Variants in SLC44A3 observed in about 807,000 individuals in gnomAD.
SLC44A3 encodes the protein choline transporter-like protein 3.
SLC44A3 carries 74 observed loss-of-function variants against 75.4 expected under a neutral mutation model. That is an observed-to-expected ratio of 0.98 (90% confidence interval 0.81 to 1.19). The LOEUF is 1.19. Ranked by LOEUF, SLC44A3 falls within the 50% of genes most tolerant of loss-of-function variation. The pLI is 0.00. For synonymous variants in SLC44A3, 310 were observed against 296.9 expected (o/e 1.04, Z -0.45); for missense variants, 700 against 778.6 (o/e 0.90, Z 1.20).
chr1:94,857,626 G>T lies in SLC44A3; in HGVS notation c.1238+126G>T. The T allele has an allele frequency of 4.0e-6, 4 of 1,006,350 alleles. No homozygotes were observed. In the African/African-American group the frequency reaches 5.0e-5, roughly 13 times the overall value. 62.3% of individuals were successfully genotyped at this position (1,006,350 alleles called of 1,614,324 possible). On this transcript the variant is annotated intron_variant, in intron 10 of 14. Coordinates refer to ENST00000271227, the MANE Select transcript of SLC44A3 (RefSeq NM_001114106.3). ...TTAAAAGAAGTTGGCAAGAATAAAAGAGTAAGCTAAAATTTGGGCTGTATT... is the reference window on the plus strand; with the variant it reads ...TTAAAAGAAGTTGGCAAGAATAAAATAGTAAGCTAAAATTTGGGCTGTATT...
In SLC44A3 at chr1:94,837,694, T is replaced by G. The variant is rs754557785; in HGVS notation, c.510-17T>G. On this transcript the variant is annotated splice_polypyrimidine_tract_variant and intron_variant, in intron 5 of 14. Coordinates refer to ENST00000271227, the MANE Select transcript of SLC44A3 (RefSeq NM_001114106.3). ...GTTAAATAAACATTTTTGCCATCTT[T>G]TTTTCTCTATTTTTAGCAAGTCATT... 2 of 1,537,372 alleles carry G rather than the reference T, an allele frequency of 1.3e-6. No individual in the cohort carries two copies. The highest frequency in any genetic ancestry group is 1.7e-6 in the Non-Finnish European group (2 of 1,145,544).
intron 5 of SLC44A3, among the ~76,000 whole-genome samples, 193 bp downstream of exon 5, chr1:94,828,779 T>G (rs963152044): frequency 6.6e-6 from 1 of 152,178 alleles, no homozygotes; most frequent in African/African-American, 2.4e-5. Flanking sequence ...GACAGTGGAT[T>G]AGAAATCAGG....
At chr1:94,846,740 C>T (rs923941005) in intron 9 of SLC44A3, among the ~76,000 whole-genome samples, 1 of 152,258 alleles carries the variant, frequency 6.6e-6, no homozygotes. Context: ...GAGTAAGTGG[C>T]TTCCTGATAC....
intron 12 of SLC44A3, among the ~76,000 whole-genome samples, chr1:94,888,424 G>A (rs1669835847): frequency 6.6e-6 from 1 of 152,128 alleles, no homozygotes; most frequent in Non-Finnish European, 1.5e-5. Context: ...TGTGCTTTGA[G>A]GATGAATGAA....
chr1:94,858,459 C>G (rs1487539488), intron 10 of SLC44A3, among the ~76,000 whole-genome samples: 5 of 152,096 alleles, frequency 3.3e-5, no homozygotes, highest in Non-Finnish European at 5.9e-5. Flanking sequence ...GTGACTCACC[C>G]CAGGGCAGTG....
In SLC44A3 at chr1:94,827,558, C is replaced by G; in HGVS notation, c.330C>G (p.Leu110=). ...SCNLEVKGTQ[L]NRMALCVSNC... ...ACCTGGAAGTCAAAGGTACGCAGCT[C>G]AACCGCATGGCCCTCTGTGTATCCA... Residue 110 remains leucine, a synonymous_variant, in exon 4 of 15, where the codon CTC becomes CTG. Coordinates refer to ENST00000271227, the MANE Select transcript of SLC44A3 (RefSeq NM_001114106.3). 1 of 1,614,202 alleles carries G rather than the reference C, an allele frequency of 6.2e-7. No homozygotes were observed.
chr1:94,851,178 A>G (rs1007337427), intron 9 of SLC44A3, among the ~76,000 whole-genome samples: 12 of 152,076 alleles, frequency 7.9e-5, no homozygotes, highest in African/African-American at 2.7e-4. Flanking sequence ...TGGTTTGAGT[A>G]TTATTATTCT....
intron 14 of SLC44A3, among the ~76,000 whole-genome samples, chr1:94,893,268 C>A (rs548260795): frequency 6.6e-6 from 1 of 152,284 alleles, no homozygotes; most frequent in African/African-American, 2.4e-5. Context: ...TAGCTTTAAA[C>A]AGAGCATTTA....
At chr1:94,829,603 A>G (rs916448541) in intron 5 of SLC44A3, among the ~76,000 whole-genome samples, 1 of 152,188 alleles carries the variant, frequency 6.6e-6, no homozygotes, top group African/African-American at 2.4e-5. Context: ...TACACCTTTG[A>G]GAAGGCTAAG....
At chr1:94,884,252 A>C in intron 12 of SLC44A3, among the ~76,000 whole-genome samples, 1 of 150,452 alleles carries the variant, frequency 6.6e-6, no homozygotes, top group Admixed American at 6.7e-5. Context: ...GTTTGTTTGC[A>C]TCCTGGTGAC....
chr1:94,827,975 C>T (rs1306461616), intron 4 of SLC44A3, among the ~76,000 whole-genome samples: 1 of 152,054 alleles, frequency 6.6e-6, no homozygotes, highest in South Asian at 2.1e-4. Context: ...GCTCCATGCA[C>T]GTGGGCACAT....
intron 12 of SLC44A3, among the ~76,000 whole-genome samples, chr1:94,888,876 T>C (rs1289377135): frequency 6.7e-6 from 1 of 148,966 alleles, no homozygotes; most frequent in Non-Finnish European, 1.5e-5. Context: ...ATCATAGGCA[T>C]GTGCCACCAC....
intron 7 of SLC44A3, 27 bp downstream of exon 7, chr1:94,840,064 T>A: frequency 6.4e-7 from 1 of 1,573,218 alleles, no homozygotes. Context: ...TTGACTGATT[T>A]CTTTTCGATT....
Position 94,824,533 on chromosome 1 carries a change from G to A in SLC44A3, c.176G>A (p.Gly59Glu), listed in dbSNP as rs763371251. The A allele has an allele frequency of 1.2e-6, 2 of 1,611,378 alleles. No individual in the cohort carries two copies. Among genetic ancestry groups the A allele is most frequent in the South Asian group, 1.1e-5 (1 of 90,732 alleles). The change falls in exon 3 of 15, where the codon GGA (glycine) becomes GAA (glutamate). Residue 59 changes from glycine (G) to glutamate (E), a missense_variant. Transcript: ENST00000271227. ...TACTCGGTGGTGGCTGGAGCCGCGG[G>A]AAGACTCCTCTTTGGCTATGACAGC... ...MGYSVVAGAA[G>E]RLLFGYDSFG... is the part of the protein sequence containing the mutation.
At chr1:94,861,829 G>C (rs1446293876) in intron 10 of SLC44A3, among the ~76,000 whole-genome samples, 1 of 152,230 alleles carries the variant, frequency 6.6e-6, no homozygotes, top group Non-Finnish European at 1.5e-5. Context: ...CCATTTGCTT[G>C]AAGAAGGATC....
At chr1:94,885,380 TTGG>T in intron 12 of SLC44A3, among the ~76,000 whole-genome samples, 1 of 150,882 alleles carries the variant, frequency 6.6e-6, no homozygotes, top group Admixed American at 6.6e-5. Flanking sequence ...AACATTGGAG[TTGG>T]TGGAAGTCTT....
At chr1:94,863,570 G>A (rs558083895) in intron 10 of SLC44A3, among the ~76,000 whole-genome samples, 1 of 152,270 alleles carries the variant, frequency 6.6e-6, no homozygotes, top group Non-Finnish European at 1.5e-5. Context: ...GGAAAAAAAA[G>A]TGTGTCAGAT....
chr1:94,887,038 G>A (rs1669665480), intron 12 of SLC44A3, among the ~76,000 whole-genome samples: 3 of 151,928 alleles, frequency 2.0e-5, no homozygotes, highest in Admixed American at 6.6e-5. Context: ...TTAAAGGTTA[G>A]CCTTTAGGAT....
chr1:94,868,939 G>A (rs1667464886), intron 12 of SLC44A3, among the ~76,000 whole-genome samples: 1 of 152,110 alleles, frequency 6.6e-6, no homozygotes, highest in South Asian at 2.1e-4. Context: ...CACCACATTA[G>A]GAGGGCAGAG....
Sources: gnomAD v4.1 joint callset for allele counts (sites outside exome capture counted in the v4.1 genomes callset) on GRCh38, gnomAD v4.1.1 for gene constraint, MANE v1.5 for transcripts, NCBI Gene and HGNC (gene_info 2026-07-23, HGNC 2026-07-21) for gene names.